The following OLFM1 variants were observed in gnomAD, a reference collection of about 807,000 sequenced individuals.
The protein encoded by OLFM1 is noelin.
OLFM1 carries 9 observed loss-of-function variants against 49.7 expected under a neutral mutation model. That is an observed-to-expected ratio of 0.18 (90% confidence interval 0.11 to 0.32). OLFM1 has a LOEUF of 0.32. OLFM1 is among the 10% of genes least tolerant of loss of function. The probability of loss-of-function intolerance (pLI) is 1.00; values close to 1 mark genes in which losing one functional copy is unlikely to be tolerated. For missense variants in OLFM1, 369 were observed against 661.8 expected (o/e 0.56, Z 4.85); for synonymous variants, 240 against 271.8 (o/e 0.88, Z 1.15).
chr9:135,114,235 C>T lies in OLFM1; in HGVS notation c.784-5269C>T, dbSNP rs184079829. On this transcript the variant is annotated intron_variant, in intron 5 of 5. Coordinates refer to ENST00000371793, the MANE Select transcript of OLFM1 (RefSeq NM_001282611.2). ...GGCTCACTGCAAGTGATTCTCCTGC[C>T]TTAGCCTCCCGAGTAGCTGGGATTA... Among the ~76,000 whole-genome samples the T allele has an allele frequency of 3.8e-3, 566 of 148,302 alleles. 8 individuals are homozygous for T. The highest frequency in any genetic ancestry group is 0.013 in the African/African-American group (522 of 39,842).
intron 5 of OLFM1, among the ~76,000 whole-genome samples, chr9:135,112,291 G>A (rs1156352848): frequency 3.3e-5 from 5 of 152,264 alleles, no homozygotes; most frequent in Non-Finnish European, 5.9e-5. Flanking sequence ...ACCTGCAGAA[G>A]AGTCTCTGGT....
chr9:135,083,101 G>A (rs1044788397), upstream of OLFM1, among the ~76,000 whole-genome samples: 2 of 152,162 alleles, frequency 1.3e-5, no homozygotes, highest in Non-Finnish European at 2.9e-5. Context: ...CACAGAAACC[G>A]GGCTGCCTTT....
intron 5 of OLFM1, among the ~76,000 whole-genome samples, chr9:135,110,467 G>A (rs570252595): frequency 1.7e-3 from 258 of 152,362 alleles, no homozygotes; most frequent in Non-Finnish European, 3.3e-3. Flanking sequence ...GCTTAGCTTA[G>A]CGTTTCAAAG....
At chr9:135,101,717 G>A (rs1830873119) in intron 4 of OLFM1, among the ~76,000 whole-genome samples, 1 of 152,178 alleles carries the variant, frequency 6.6e-6, no homozygotes, top group Non-Finnish European at 1.5e-5. Flanking sequence ...CTCTCTCCAG[G>A]GGAGCCTGCA....
At chr9:135,075,906 C>T (rs1272026542) in intron 1 of OLFM1, 7 of 1,417,580 alleles carry the variant, frequency 4.9e-6, no homozygotes, top group South Asian at 1.5e-5. Context: ...CCGCCCCGCG[C>T]CCCCGGCCTG....
intron 5 of OLFM1, among the ~76,000 whole-genome samples, chr9:135,116,687 A>G (rs1306601664): frequency 6.6e-6 from 1 of 151,974 alleles, no homozygotes; most frequent in African/African-American, 2.4e-5. Flanking sequence ...AGAAGCAGTG[A>G]GCTCCCTGTC....
upstream of OLFM1, chr9:135,087,638 C>T: frequency 3.4e-6 from 2 of 580,496 alleles, no homozygotes; most frequent in Non-Finnish European, 5.0e-6. Flanking sequence ...CTCCCGGCCG[C>T]GGCCCCCGCG....
intron 5 of OLFM1, among the ~76,000 whole-genome samples, chr9:135,118,955 G>A (rs1183256163): frequency 6.6e-6 from 1 of 151,158 alleles, no homozygotes; most frequent in African/African-American, 2.4e-5. Flanking sequence ...GTGCTCACTG[G>A]GTCTTTGGAA....
At chr9:135,116,963 T>A (rs1311602573) in intron 5 of OLFM1, among the ~76,000 whole-genome samples, 2 of 152,012 alleles carry the variant, frequency 1.3e-5, no homozygotes, top group African/African-American at 2.4e-5. Context: ...GGTTATAATT[T>A]TTTTTTAATT....
rs115708225 is a variant in OLFM1 at position 135,096,665 on chromosome 9, C to T, written c.456+646C>T. 7.7e-3 allele frequency among the ~76,000 whole-genome samples: 1,166 copies of T among 152,322 alleles called. 12 individuals carry two copies. Among genetic ancestry groups the T allele is most frequent in the African/African-American group, 0.027 (1,118 of 41,566 alleles). ...AGCTGGGAAGGGACATCGTTATTGG[C>T]CCTTGTCATTCTGCAGCTGCTGCAG... is the stretch of plus-strand genomic sequence containing the variant. On this transcript the variant is annotated intron_variant, in intron 3 of 5. Transcript: ENST00000371793.
At chr9:135,075,658 C>A in exon 1 of OLFM1, 3 of 1,379,310 alleles carry the variant, frequency 2.2e-6, no homozygotes, top group South Asian at 2.6e-5. Flanking sequence ...AGAGCCGGAG[C>A]GCGTCCGCGT....
At chr9:135,114,123 CTTTTTT>C (rs138372395) in intron 5 of OLFM1, among the ~76,000 whole-genome samples, 65 of 75,850 alleles carry the variant, frequency 8.6e-4, no homozygotes, top group Non-Finnish European at 1.2e-3. Context: ...TCTTGAGATT[CTTTTTT>C]TTTTTTTTTT....
chr9:135,097,958 C>T (rs764752575), intron 3 of OLFM1: 52 of 1,440,046 alleles, frequency 3.6e-5, no homozygotes, highest in Non-Finnish European at 4.2e-5. Context: ...CCTTTGCATG[C>T]GACTGTAGCT....
rs951401088 is a variant in OLFM1, at chr9:135,119,713, C to G, written c.993C>G (p.Leu331=). 2 of 1,614,028 alleles carry G rather than the reference C, an allele frequency of 1.2e-6. No homozygotes were observed. Among genetic ancestry groups the G allele is most frequent in the Non-Finnish European group, 1.7e-6 (2 of 1,180,058 alleles). The change falls in exon 6 of 6, where the codon CTC becomes CTG. Residue 331 remains leucine (L), a synonymous_variant. Transcript: ENST00000371793. The part of the protein sequence containing the change: ...IRFDLKTETI[L]KTRSLDYAGY... ...TTGACCTGAAGACAGAGACCATCCT[C>G]AAGACCCGCAGCCTGGACTATGCCG...
At chr9:135,110,960 C>T (rs1325979275) in intron 5 of OLFM1, among the ~76,000 whole-genome samples, 1 of 152,234 alleles carries the variant, frequency 6.6e-6, no homozygotes, top group Non-Finnish European at 1.5e-5. Flanking sequence ...GGGGCTGCAT[C>T]AGAGGCATTT....
chr9:135,084,448 TC>T (rs1434688913), upstream of OLFM1, among the ~76,000 whole-genome samples: 4 of 32,556 alleles, frequency 1.2e-4, no homozygotes, highest in Non-Finnish European at 7.8e-5. The surrounding 1 kb of genome is among the most constrained non-coding windows in gnomAD (Gnocchi z 4.6). Context: ...CTATTATCTC[TC>T]CTCTCTGTCT....
chr9:135,119,981 G>T lies in OLFM1; in HGVS notation c.1261G>T (p.Gly421Cys). The T allele has an allele frequency of 6.2e-7, 1 of 1,613,606 alleles. No homozygotes were observed. Among genetic ancestry groups the T allele is most frequent in the Non-Finnish European group, 8.5e-7 (1 of 1,180,026 alleles). Residue 421 changes from glycine (G) to cysteine (C), a missense_variant, in exon 6 of 6, where the codon GGT (glycine) becomes TGT (cysteine). By Grantham distance (159) the Gly-to-Cys change is radical. Coordinates refer to ENST00000371793, the MANE Select transcript of OLFM1 (RefSeq NM_001282611.2). The stretch of plus-strand genomic sequence containing the variant: ...GTACGTCACCAACGGCTACTCAGGG[G>T]GTACCAAGGTCCACTATGCATACCA... ...TLYVTNGYSG[G>C]TKVHYAYQTN...
In OLFM1 at chr9:135,088,106, G is replaced by A. The variant is rs1588205449; in HGVS notation, c.117G>A (p.Ala39=). ...GCCTCAACACCACCAAGCTCTCGGC[G>A]GCCGGCGGCGGGACGCTGGACCGCA... is the stretch of plus-strand genomic sequence containing the variant. The part of the protein sequence containing the change: ...LVGLNTTKLS[A]AGGGTLDRST... Residue 39 remains alanine, a synonymous_variant, in exon 1 of 6, where the codon GCG becomes GCA. Coordinates refer to ENST00000371793, the MANE Select transcript of OLFM1 (RefSeq NM_001282611.2). This position sits in a 1 kb window ranked among gnomAD's most constrained non-coding sequence, Gnocchi z 4.8. 3 of 1,412,546 alleles carry A rather than the reference G, an allele frequency of 2.1e-6. No homozygotes were observed. Among genetic ancestry groups the A allele is most frequent in the East Asian group, 3.1e-5 (1 of 32,466 alleles). The allele number at this position is 1,412,546 out of a possible 1,614,324, so 87.5% of individuals were successfully genotyped here. A position where few individuals can be genotyped will look rare whatever the true frequency, so the allele number is the denominator to read the frequency against.
Position 135,113,049 on chromosome 9 carries a change from C to T in OLFM1, c.783+6194C>T, listed in dbSNP as rs1463503792. Among the ~76,000 whole-genome samples, 1 of 152,134 alleles carries T rather than the reference C, an allele frequency of 6.6e-6. No homozygotes were observed. The highest frequency in any genetic ancestry group is 1.5e-5 in the Non-Finnish European group (1 of 68,030). ...GGGCAGGCTTTGGATGTGCTGTGTG[C>T]AAGATCCAGACCAGCGTGCACGCTT... On this transcript the variant is annotated intron_variant, in intron 5 of 5. Coordinates refer to ENST00000371793, the MANE Select transcript of OLFM1 (RefSeq NM_001282611.2). The surrounding 1 kb of genome is among the most constrained non-coding windows in gnomAD (Gnocchi z 4.0).
Sources: allele counts gnomAD v4.1 joint callset (sites outside exome capture counted in the v4.1 genomes callset), GRCh38; gene constraint gnomAD v4.1.1; non-coding constraint Gnocchi (gnomAD v3.1); transcripts MANE v1.5; gene names NCBI Gene and HGNC (gene_info 2026-07-23, HGNC 2026-07-21).